Variants in BCHE observed in about 807,000 individuals in gnomAD.
BCHE encodes the protein butyrylcholinesterase, also known as cholinesterase.
A neutral mutation model predicts 51.3 loss-of-function variants in BCHE; 48 were observed. The observed-to-expected ratio is 0.94, with a 90% CI of 0.74 to 1.19. The LOEUF is 1.19. Ranked by LOEUF, BCHE falls within the 50% of genes most tolerant of loss-of-function variation. The probability of loss-of-function intolerance (pLI) is 0.00; values close to 1 mark genes in which losing one functional copy is unlikely to be tolerated. For synonymous variants in BCHE, 251 were observed against 238.0 expected (o/e 1.05, Z -0.50); for missense variants, 847 against 708.2 (o/e 1.20, Z -2.23).
At chr3:165,833,439 G>A (rs951846891) in intron 1 of BCHE, among the ~76,000 whole-genome samples, 2 of 152,042 alleles carry the variant, frequency 1.3e-5, no homozygotes, top group Non-Finnish European at 2.9e-5. Context: ...TGTATAACAT[G>A]TTCCTGAATA....
At chr3:165,810,243 A>G (rs939439597) in intron 2 of BCHE, among the ~76,000 whole-genome samples, 1 of 152,202 alleles carries the variant, frequency 6.6e-6, no homozygotes, top group Non-Finnish European at 1.5e-5. Flanking sequence ...AGGTAAGGAT[A>G]TTCTTCTGTT....
At chr3:165,831,185 T>C in intron 1 of BCHE, 144 bp from the exon 2 acceptor site, 1 of 647,146 alleles carries the variant, frequency 1.5e-6, no homozygotes, top group Non-Finnish European at 2.5e-6. Flanking sequence ...AAGGCCTACA[T>C]AGGAAAAAAT....
intron 2 of BCHE, among the ~76,000 whole-genome samples, chr3:165,822,235 T>C (rs1304147353): frequency 6.6e-6 from 1 of 151,950 alleles, no homozygotes; most frequent in Non-Finnish European, 1.5e-5. Context: ...AATGAATGAA[T>C]GAAAAAGTAT....
chr3:165,803,733 GT>G (rs538813459), intron 2 of BCHE, among the ~76,000 whole-genome samples: 4 of 151,436 alleles, frequency 2.6e-5, no homozygotes, highest in African/African-American at 7.3e-5. Context: ...ATATAATGAA[GT>G]TTTTTTTTAA....
chr3:165,811,759 A>C (rs1189906396), intron 2 of BCHE, among the ~76,000 whole-genome samples: 1 of 152,064 alleles, frequency 6.6e-6, no homozygotes, highest in Non-Finnish European at 1.5e-5. Flanking sequence ...TTAGAGCCTA[A>C]ACACAGAAAT....
intron 2 of BCHE, among the ~76,000 whole-genome samples, chr3:165,788,063 T>G (rs556348523): frequency 6.6e-6 from 1 of 152,122 alleles, no homozygotes; most frequent in Non-Finnish European, 1.5e-5. Flanking sequence ...TCAGATACCT[T>G]CTGTATATTA....
chr3:165,827,995 T>C (rs772949116), intron 2 of BCHE: 2 of 455,700 alleles, frequency 4.4e-6, no homozygotes, highest in South Asian at 3.1e-5. Context: ...CCCATCATAG[T>C]ACTTCAATGA....
At position 165,807,517 on chromosome 3, in the gene BCHE, GATTTATTT is replaced by G. The variant is rs58025912; in HGVS notation, c.1518-21214_1518-21207del. Among the ~76,000 whole-genome samples, 848 of 149,880 alleles carry G rather than the reference GATTTATTT, an allele frequency of 5.7e-3. 2 individuals are homozygous for G. The highest frequency in any genetic ancestry group is 0.012 in the African/African-American group (477 of 40,704). On this transcript the variant is annotated intron_variant, in intron 2 of 3. Coordinates refer to ENST00000264381, the MANE Select transcript of BCHE (RefSeq NM_000055.4). The stretch of plus-strand genomic sequence containing the variant: ...TAAAGATAAAGAAATGTTATTATGA[GATTTATTT>G]ATTTATTTATTTATTTATTTATTTT...
At chr3:165,802,314 A>G (rs1050466801) in intron 2 of BCHE, among the ~76,000 whole-genome samples, 4 of 152,202 alleles carry the variant, frequency 2.6e-5, no homozygotes, top group Non-Finnish European at 5.9e-5. Context: ...CCATTTAGAT[A>G]ATGATAAGAA....
intron 2 of BCHE, among the ~76,000 whole-genome samples, chr3:165,804,375 A>AT (rs200541376): frequency 3.4e-4 from 51 of 151,376 alleles, no homozygotes; most frequent in Admixed American, 1.4e-3. Context: ...CAGATTACAT[A>AT]TTTTTTTTTA....
At chr3:165,829,435 A>G (rs1198591437) in intron 2 of BCHE, 82 bp downstream of exon 2, 2 of 1,194,466 alleles carry the variant, frequency 1.7e-6, no homozygotes, top group Non-Finnish European at 2.5e-6. Context: ...TCTTTATACT[A>G]AAGTCTACCC....
At chr3:165,823,137 T>C (rs925786644) in intron 2 of BCHE, among the ~76,000 whole-genome samples, 3 of 152,144 alleles carry the variant, frequency 2.0e-5, no homozygotes, top group African/African-American at 7.2e-5. Flanking sequence ...AATTATATTA[T>C]GACTTCTATT....
intron 1 of BCHE, among the ~76,000 whole-genome samples, chr3:165,832,267 C>A (rs758834988): frequency 1.3e-5 from 2 of 152,096 alleles, no homozygotes; most frequent in Non-Finnish European, 1.5e-5. Context: ...AGAGGGACAG[C>A]AAAATGTGAT....
chr3:165,827,990 C>T (rs1483386296), intron 2 of BCHE: 3 of 455,102 alleles, frequency 6.6e-6, no homozygotes, highest in Non-Finnish European at 1.3e-5. Flanking sequence ...ACATACCCAT[C>T]ATAGTACTTC....
intron 2 of BCHE, among the ~76,000 whole-genome samples, chr3:165,799,252 T>C (rs991257495): frequency 8.2e-4 from 125 of 152,270 alleles, no homozygotes; most frequent in African/African-American, 2.9e-3. Context: ...CATGAGAATA[T>C]AATTGCCTTA....
chr3:165,797,718 C>T (rs889959733), intron 2 of BCHE, among the ~76,000 whole-genome samples: 1 of 152,090 alleles, frequency 6.6e-6, no homozygotes. Context: ...CTCTTATTCA[C>T]GTCTGTTTGC....
In BCHE at chr3:165,830,556, A is replaced by G; in HGVS notation, c.478T>C (p.Phe160Leu). The G allele has an allele frequency of 6.2e-7, 1 of 1,614,000 alleles. No individual in the cohort carries two copies. Among genetic ancestry groups the G allele is most frequent in the Non-Finnish European group, 8.5e-7 (1 of 1,179,946 alleles). The change falls in exon 2 of 4, where the codon TTT becomes CTT. Residue 160 changes from phenylalanine (F) to leucine (L), a missense_variant. Physicochemically the swap from Phe to Leu is conservative, Grantham distance 22 (BLOSUM62 0). Coordinates refer to ENST00000264381, the MANE Select transcript of BCHE (RefSeq NM_000055.4). ...ATAACTCTTTCAACCCGAGCCAGAA[A>G]CTTGCCATCATAAACATGTAAAGAT... Reference protein sequence around the residue: ...TSSLHVYDGKFLARVERVIVV... With the variant: ...TSSLHVYDGKLLARVERVIVV...
At chr3:165,792,782 G>A (rs1209618967) in intron 2 of BCHE, among the ~76,000 whole-genome samples, 1 of 152,004 alleles carries the variant, frequency 6.6e-6, no homozygotes, top group African/African-American at 2.4e-5. Flanking sequence ...ACATGATATG[G>A]GTTCAATTCT....
At chr3:165,824,441 A>G (rs1261034404) in intron 2 of BCHE, among the ~76,000 whole-genome samples, 1 of 152,070 alleles carries the variant, frequency 6.6e-6, no homozygotes, top group Non-Finnish European at 1.5e-5. Flanking sequence ...GCAAAACTAT[A>G]GTTAATATAG....
Sources: gnomAD v4.1 joint callset for allele counts (sites outside exome capture counted in the v4.1 genomes callset) on GRCh38, gnomAD v4.1.1 for gene constraint, MANE v1.5 for transcripts, NCBI Gene and HGNC (gene_info 2026-07-23, HGNC 2026-07-21) for gene names.